Variants in ISM1 observed in about 807,000 individuals in gnomAD.
The protein encoded by ISM1 is isthmin 1, also known as isthmin-1.
ISM1 carries 25 observed loss-of-function variants against 46.3 expected under a neutral mutation model. That is an observed-to-expected ratio of 0.54 (90% CI 0.39 to 0.75). The LOEUF (loss-of-function observed/expected upper bound fraction) is 0.75. ISM1 is among the 30% of genes least tolerant of loss of function. The pLI, the probability that ISM1 is intolerant of heterozygous loss-of-function variation, is 0.00. For missense variants in ISM1, 536 were observed against 625.4 expected, an observed-to-expected ratio of 0.86 and a Z score of 1.52; for synonymous variants, 255 against 256.7, an observed-to-expected ratio of 0.99 and a Z score of 0.06.
chr20:13,325,385 G>A, the ISM1 span, among the ~76,000 whole-genome samples: 1 of 152,128 alleles, frequency 6.6e-6, no homozygotes, highest in Non-Finnish European at 1.5e-5. Flanking sequence ...TTGCTCTTCT[G>A]GTATCTGTCT....
chr20:13,276,086 T>C (rs1358520427), intron 2 of ISM1, among the ~76,000 whole-genome samples: 1 of 152,238 alleles, frequency 6.6e-6, no homozygotes, highest in East Asian at 1.9e-4. Flanking sequence ...CCATGGCAGT[T>C]ATCGAGGAAG....
intron 3 of ISM1, 106 bp from the exon 4 acceptor site, chr20:13,288,434 T>C (rs939368267): frequency 2.1e-5 from 26 of 1,230,444 alleles, no homozygotes; most frequent in Non-Finnish European, 2.0e-5. Flanking sequence ...AGCAATCCCC[T>C]CCCACAGCGA....
intron 5 of ISM1, among the ~76,000 whole-genome samples, chr20:13,295,395 A>G (rs917202858): frequency 6.6e-6 from 1 of 152,062 alleles, no homozygotes; most frequent in Non-Finnish European, 1.5e-5. Context: ...GACACCAACA[A>G]TCTTATATTC....
At chr20:13,323,091 G>A in the ISM1 span, among the ~76,000 whole-genome samples, 3 of 152,042 alleles carry the variant, frequency 2.0e-5, no homozygotes, top group Non-Finnish European at 4.4e-5. Flanking sequence ...ACAGCGTCTC[G>A]GAGGAAAAAT....
intron 5 of ISM1, among the ~76,000 whole-genome samples, chr20:13,297,468 T>G (rs187944640): frequency 1.3e-5 from 2 of 152,318 alleles, no homozygotes; most frequent in Admixed American, 1.3e-4. Flanking sequence ...TCATTTTCAC[T>G]GGAATCTTTT....
chr20:13,270,518 G>A lies in ISM1; in HGVS notation c.153G>A (p.Val51=), dbSNP rs2040100240. ...SQAQLQNNLN[V]GSDTTSETSF... is the part of the protein sequence containing the mutation. ...GTTTGTTTTAGAATAACCTCAACGTGGGAAGTGACACCACATCAGAAACCA... is the reference window on the plus strand; with the variant it reads ...GTTTGTTTTAGAATAACCTCAACGTAGGAAGTGACACCACATCAGAAACCA... The change falls in exon 2 of 6, where the codon GTG becomes GTA. Residue 51 remains valine, a synonymous_variant. Transcript: ENST00000262487. 1.9e-6 allele frequency: 3 copies of A among 1,613,120 alleles called. No homozygotes were observed. The highest frequency in any genetic ancestry group is 2.5e-6 in the Non-Finnish European group (3 of 1,179,572).
At chr20:13,248,147 G>A (rs77095002) in intron 1 of ISM1, among the ~76,000 whole-genome samples, 5,565 of 152,288 alleles carry the variant, frequency 0.037, 177 homozygotes, top group African/African-American at 0.078. Context: ...GTGGCTGCCC[G>A]ATTCATAGTA....
At chr20:13,276,710 T>C (rs2040184269) in intron 2 of ISM1, among the ~76,000 whole-genome samples, 1 of 152,224 alleles carries the variant, frequency 6.6e-6, no homozygotes, top group Non-Finnish European at 1.5e-5. Context: ...TTCATCACAT[T>C]GATCATTGTT....
At chr20:13,271,280 CA>C (rs1399951806) in intron 2 of ISM1, among the ~76,000 whole-genome samples, 2 of 152,002 alleles carry the variant, frequency 1.3e-5, no homozygotes, top group Non-Finnish European at 2.9e-5. Context: ...ACATGACTTA[CA>C]AAACAATAAG....
the ISM1 span, among the ~76,000 whole-genome samples, chr20:13,309,705 C>T: frequency 1.3e-5 from 2 of 152,070 alleles, no homozygotes; most frequent in Admixed American, 6.5e-5. Context: ...ATCCTAAAGG[C>T]TCCACCAAAA....
chr20:13,280,745 C>T (rs1236637088), intron 3 of ISM1, among the ~76,000 whole-genome samples: 8 of 152,202 alleles, frequency 5.3e-5, no homozygotes, highest in African/African-American at 1.9e-4. Context: ...GTTGGGAAGA[C>T]CTGGTCACAT....
At chr20:13,238,406 T>G (rs1414743724) in intron 1 of ISM1, among the ~76,000 whole-genome samples, 1 of 152,218 alleles carries the variant, frequency 6.6e-6, no homozygotes, top group Non-Finnish European at 1.5e-5. Context: ...AGCCCATTAC[T>G]CATTAACTTA....
chr20:13,263,359 C>G (rs547011419), intron 1 of ISM1, among the ~76,000 whole-genome samples: 2 of 152,094 alleles, frequency 1.3e-5, no homozygotes, highest in East Asian at 3.9e-4. Flanking sequence ...GCTTCCACTC[C>G]TAGGATCGTG....
chr20:13,276,659 C>T (rs1220430704), intron 2 of ISM1, among the ~76,000 whole-genome samples: 1 of 147,264 alleles, frequency 6.8e-6, no homozygotes, highest in Non-Finnish European at 1.5e-5. Context: ...GATCTAGAGA[C>T]TTTGTCAGTT....
Position 13,269,378 on chromosome 20 carries a change from T to G in ISM1, c.139-1126T>G, listed in dbSNP as rs117655354. 4.3e-3 allele frequency among the ~76,000 whole-genome samples: 655 copies of G among 152,336 alleles called. 2 individuals are homozygous for G. The highest frequency in any genetic ancestry group is 6.8e-3 in the Non-Finnish European group (464 of 68,038). On this transcript the variant is annotated intron_variant, in intron 1 of 5. Transcript: ENST00000262487. Reference sequence around the variant, plus strand: ...CATAGTGATAAAGAAATGGTGACATTTTTCACAGCTGGGAAAAACAGTGGG... The same window carrying G: ...CATAGTGATAAAGAAATGGTGACATGTTTCACAGCTGGGAAAAACAGTGGG...
intron 4 of ISM1, among the ~76,000 whole-genome samples, chr20:13,292,124 A>G (rs1054985883): frequency 2.0e-5 from 3 of 152,184 alleles, no homozygotes; most frequent in African/African-American, 7.2e-5. Flanking sequence ...GGGCTCAGTG[A>G]GTGAGTTCCT....
At position 13,221,767 on chromosome 20, in the gene ISM1, T is replaced by G. The variant is rs1191633466; in HGVS notation, c.-10T>G. ...CCGCGCCGGGTCCTAAAGCCGCGCG[T>G]CTCAAAAGGATGGTGCGCCTGGCGG... On this transcript the variant is annotated 5_prime_UTR_variant, in exon 1 of 6. Coordinates refer to ENST00000262487, the MANE Select transcript of ISM1 (RefSeq NM_080826.2). 4 of 1,434,794 alleles carry G rather than the reference T, an allele frequency of 2.8e-6. No homozygotes were observed. The highest frequency in any genetic ancestry group is 3.1e-5 in the East Asian group (1 of 32,326). The allele number at this position is 1,434,794 out of a possible 1,614,324, so 88.9% of individuals were successfully genotyped here.
Position 13,291,170 on chromosome 20 carries a change from C to T in ISM1, c.788-1204C>T, listed in dbSNP as rs567427361. On this transcript the variant is annotated intron_variant, in intron 4 of 5. Transcript: ENST00000262487. The stretch of plus-strand genomic sequence containing the variant: ...ATGTTTCCTTCTTGTTTTCTGTCAC[C>T]GCGGAGAGCAGTGTGGCCAGGAGCC... Among the ~76,000 whole-genome samples the T allele has an allele frequency of 4.6e-5, 7 of 152,262 alleles. No homozygotes were observed. In the East Asian group the frequency reaches 1.2e-3, roughly 25 times the overall value.
chr20:13,227,506 CTTT>C (rs2039539510), intron 1 of ISM1, among the ~76,000 whole-genome samples: 1 of 118,166 alleles, frequency 8.5e-6, no homozygotes, highest in South Asian at 2.9e-4. Flanking sequence ...CCCAGCCCAA[CTTT>C]TTTCTTTTTT....
Sources: allele counts gnomAD v4.1 joint callset (sites outside exome capture counted in the v4.1 genomes callset), GRCh38; gene constraint gnomAD v4.1.1; transcripts MANE v1.5; gene names NCBI Gene and HGNC (gene_info 2026-07-23, HGNC 2026-07-21).